The following NEGR1 variants were observed in gnomAD, a reference collection of about 807,000 sequenced individuals.
The protein encoded by NEGR1 is IgLON family member 4.
Under a neutral mutation model 40.9 loss-of-function variants are expected in NEGR1, and 10 were observed. The ratio of observed to expected loss-of-function variants is 0.24; its 90% CI spans 0.15 to 0.42. The LOEUF (loss-of-function observed/expected upper bound fraction) is 0.42. NEGR1 is among the 10% of genes least tolerant of loss of function. NEGR1 has a pLI of 1.00. For synonymous variants in NEGR1, 185 were observed against 166.8 expected (o/e 1.11, Z -0.84); for missense variants, 352 against 438.9 (o/e 0.80, Z 1.77).
chr1:71,784,516 A>C (rs1656842058), intron 2 of NEGR1, among the ~76,000 whole-genome samples: 1 of 152,188 alleles, frequency 6.6e-6, no homozygotes, highest in Non-Finnish European at 1.5e-5. Context: ...AGAAAGATGC[A>C]ATAGGCAACA....
intron 4 of NEGR1, among the ~76,000 whole-genome samples, chr1:71,639,883 A>G (rs1651289137): frequency 6.6e-6 from 1 of 152,024 alleles, no homozygotes; most frequent in South Asian, 2.1e-4. Flanking sequence ...AAGGAGAAAA[A>G]TCAGGCCACT....
chr1:71,493,323 A>T (rs1490653917), intron 6 of NEGR1, among the ~76,000 whole-genome samples: 1 of 152,154 alleles, frequency 6.6e-6, no homozygotes, highest in African/African-American at 2.4e-5. Flanking sequence ...ATGTAGATGA[A>T]TACCCATCTA....
At chr1:71,612,005 G>A (rs1255587014) in intron 4 of NEGR1, among the ~76,000 whole-genome samples, 8 of 152,174 alleles carry the variant, frequency 5.3e-5, no homozygotes, top group Non-Finnish European at 7.3e-5. Context: ...GGTGGCCCAC[G>A]AGGTCAGGAG....
chr1:71,761,239 T>C (rs1557642338), intron 3 of NEGR1, among the ~76,000 whole-genome samples: 1 of 152,162 alleles, frequency 6.6e-6, no homozygotes. Flanking sequence ...GTCCATATAG[T>C]CTCTGTTGCA....
At chr1:71,727,485 T>C (rs1298825590) in intron 3 of NEGR1, among the ~76,000 whole-genome samples, 3 of 152,074 alleles carry the variant, frequency 2.0e-5, no homozygotes, top group Non-Finnish European at 2.9e-5. Flanking sequence ...CAATAATCCA[T>C]GGAGAAAAAA....
At chr1:71,681,718 AATATGTCCTT>A (rs1652844746) in intron 4 of NEGR1, among the ~76,000 whole-genome samples, 1 of 152,206 alleles carries the variant, frequency 6.6e-6, no homozygotes. Flanking sequence ...AATATGTCCT[AATATGTCCTT>A]ATGGAATTAT....
chr1:71,660,672 T>C (rs1652023895), intron 4 of NEGR1, among the ~76,000 whole-genome samples: 1 of 152,194 alleles, frequency 6.6e-6, no homozygotes, highest in Non-Finnish European at 1.5e-5. Flanking sequence ...TCTAACAGAT[T>C]ACTAATTTTG....
At chr1:72,080,706 T>G (rs1647958533) in intron 1 of NEGR1, among the ~76,000 whole-genome samples, 1 of 152,052 alleles carries the variant, frequency 6.6e-6, no homozygotes, top group Non-Finnish European at 1.5e-5. Flanking sequence ...ATTTTCTCAT[T>G]TGTGAAATAA....
At chr1:71,640,219 G>T (rs1358328795) in intron 4 of NEGR1, among the ~76,000 whole-genome samples, 3 of 152,020 alleles carry the variant, frequency 2.0e-5, no homozygotes, top group Non-Finnish European at 4.4e-5. Flanking sequence ...TTGTTAATGT[G>T]TGGCCACACT....
chr1:72,131,179 T>A (rs1177228815), intron 1 of NEGR1, among the ~76,000 whole-genome samples: 2 of 152,198 alleles, frequency 1.3e-5, no homozygotes, highest in Non-Finnish European at 2.9e-5. Context: ...CTTTGTATAA[T>A]TTAACATCTA....
intron 2 of NEGR1, among the ~76,000 whole-genome samples, chr1:71,929,672 C>T (rs1645836087): frequency 6.7e-6 from 1 of 150,258 alleles, no homozygotes; most frequent in Non-Finnish European, 1.5e-5. Context: ...ACTGTTGCAG[C>T]ACAATGGCTT....
chr1:71,833,478 G>C (rs531085532), intron 2 of NEGR1, among the ~76,000 whole-genome samples: 3 of 152,082 alleles, frequency 2.0e-5, no homozygotes, highest in Non-Finnish European at 4.4e-5. Context: ...TCTACAGAGA[G>C]AATCTTTCTG....
chr1:72,210,359 A>G (rs1472282715), intron 1 of NEGR1, among the ~76,000 whole-genome samples: 1 of 151,894 alleles, frequency 6.6e-6, no homozygotes, highest in Non-Finnish European at 1.5e-5. Flanking sequence ...AGGTGTTGAA[A>G]TAAAACAAAC....
In NEGR1 at chr1:71,752,104, C is replaced by T. The variant is rs538110118; in HGVS notation, c.535+24068G>A. On this transcript the variant is annotated intron_variant, in intron 3 of 6. Coordinates refer to ENST00000357731, the MANE Select transcript of NEGR1 (RefSeq NM_173808.3). ...TAGTAACCACGAAATAAAGTATTGC[C>T]CTTCTAAGATGCAATAGAAGTCCAT... 3.3e-5 allele frequency among the ~76,000 whole-genome samples: 5 copies of T among 152,126 alleles called. No individual in the cohort carries two copies. The East Asian group carries it at 9.6e-4, about 29-fold the overall frequency.
At chr1:71,580,502 C>A (rs1414485666) in intron 6 of NEGR1, among the ~76,000 whole-genome samples, 1 of 151,720 alleles carries the variant, frequency 6.6e-6, no homozygotes. Context: ...ATGCATGTGA[C>A]AATATTTAGG....
At chr1:71,669,673 A>T (rs1652353398) in intron 4 of NEGR1, among the ~76,000 whole-genome samples, 1 of 151,388 alleles carries the variant, frequency 6.6e-6, no homozygotes, top group African/African-American at 2.4e-5. Flanking sequence ...TTTTTTTGAG[A>T]TGGAGTCTTG....
intron 6 of NEGR1, among the ~76,000 whole-genome samples, chr1:71,573,784 C>G (rs1648876577): frequency 6.6e-6 from 1 of 152,162 alleles, no homozygotes; most frequent in Non-Finnish European, 1.5e-5. Flanking sequence ...GAAAGACTCT[C>G]TAGACTTTTG....
chr1:71,653,686 T>C (rs1169318097), intron 4 of NEGR1, among the ~76,000 whole-genome samples: 1 of 152,220 alleles, frequency 6.6e-6, no homozygotes, highest in Non-Finnish European at 1.5e-5. Flanking sequence ...CATGTTACTA[T>C]TACTTCTATG....
intron 2 of NEGR1, among the ~76,000 whole-genome samples, chr1:71,806,082 C>A (rs144023658): frequency 6.6e-6 from 1 of 151,914 alleles, no homozygotes; most frequent in Non-Finnish European, 1.5e-5. Flanking sequence ...GCAATAAATA[C>A]AAAAATACAA....
Sources: allele counts gnomAD v4.1 joint callset (sites outside exome capture counted in the v4.1 genomes callset), GRCh38; gene constraint gnomAD v4.1.1; transcripts MANE v1.5; gene names NCBI Gene and HGNC (gene_info 2026-07-23, HGNC 2026-07-21).